SEC24D: variants seen among roughly 807,000 people sequenced by gnomAD.
SEC24D encodes the protein protein transport protein Sec24D.
A neutral mutation model predicts 116.9 loss-of-function variants in SEC24D; 69 were observed. The ratio of observed to expected loss-of-function variants is 0.59; its 90% CI spans 0.49 to 0.72. SEC24D has a LOEUF of 0.72. Among genes scored for constraint, SEC24D ranks in the 30% least tolerant of loss-of-function variants. The probability of loss-of-function intolerance (pLI) is 0.00; values close to 1 mark genes in which losing one functional copy is unlikely to be tolerated. For missense variants in SEC24D, 1,131 were observed against 1,264.1 expected, an observed-to-expected ratio of 0.89 and a Z score of 1.60; for synonymous variants, 405 against 442.8, an observed-to-expected ratio of 0.91 and a Z score of 1.07.
At chr4:118,770,184 TCA>T (rs1727832878) in intron 8 of SEC24D, among the ~76,000 whole-genome samples, 1 of 152,170 alleles carries the variant, frequency 6.6e-6, no homozygotes, top group African/African-American at 2.4e-5. Flanking sequence ...AAATACATAC[TCA>T]CACATACAAA....
chr4:118,828,948 A>G (rs1165843490), intron 2 of SEC24D, among the ~76,000 whole-genome samples: 2 of 152,168 alleles, frequency 1.3e-5, no homozygotes, highest in African/African-American at 2.4e-5. Flanking sequence ...CAATCCCAGC[A>G]AACTGCTTCC....
At chr4:118,827,370 T>C (rs776704137) in intron 2 of SEC24D, among the ~76,000 whole-genome samples, 4 of 152,084 alleles carry the variant, frequency 2.6e-5, no homozygotes, top group Non-Finnish European at 4.4e-5. Context: ...AGGTCCTTTA[T>C]AGAGCAATAT....
intron 22 of SEC24D, among the ~76,000 whole-genome samples, chr4:118,727,914 A>ATTTCAGTC (rs1725489181): frequency 6.6e-6 from 1 of 152,060 alleles, no homozygotes; most frequent in South Asian, 2.1e-4. Context: ...GGCCCCATAA[A>ATTTCAGTC]TACCCTGGCA....
At chr4:118,753,633 C>T (rs1243200127) in intron 11 of SEC24D, among the ~76,000 whole-genome samples, 1 of 151,818 alleles carries the variant, frequency 6.6e-6, no homozygotes, top group Non-Finnish European at 1.5e-5. Flanking sequence ...CATGAATGTT[C>T]TCGTTCCAGT....
At chr4:118,802,049 G>A (rs187729591) in intron 7 of SEC24D, among the ~76,000 whole-genome samples, 1 of 152,314 alleles carries the variant, frequency 6.6e-6, no homozygotes, top group African/African-American at 2.4e-5. Context: ...TCACAATCTA[G>A]TTGGAAAGAG....
chr4:118,801,111 A>C (rs1729419929), intron 7 of SEC24D, among the ~76,000 whole-genome samples: 1 of 151,988 alleles, frequency 6.6e-6, no homozygotes, highest in South Asian at 2.1e-4. Context: ...AATACAAAAA[A>C]ATCAGCCGGG....
At position 118,757,727 on chromosome 4, in the gene SEC24D, AT is replaced by A; in HGVS notation, c.1414del (p.Ile472PhefsTer28). ...CEELKTMLEK[I>X]PKEEQEETSA... ...AGAATGACGGTTGCCTTACTTTGGA[AT>A]TTTTTCCAGCATGGTCTTCAGTTCT... On this transcript the variant is annotated frameshift_variant, in exon 11 of 23. Coordinates refer to ENST00000280551, the MANE Select transcript of SEC24D (RefSeq NM_014822.4). LOFTEE classifies it high-confidence loss of function. 2 of 1,604,846 alleles carry A rather than the reference AT, an allele frequency of 1.2e-6. No homozygotes were observed. The highest frequency in any genetic ancestry group is 1.7e-6 in the Non-Finnish European group (2 of 1,177,246).
Position 118,723,549 on chromosome 4 carries a change from C to CTG in SEC24D, c.3064_3065insCA (p.Cys1022SerfsTer14). 6.2e-7 allele frequency: 1 copy of CTG among 1,613,552 alleles called. No homozygotes were observed. Among genetic ancestry groups the CTG allele is most frequent in the Non-Finnish European group, 8.5e-7 (1 of 1,179,738 alleles). The stretch of plus-strand genomic sequence containing the variant: ...CAGCTGACAGATCTCCTTGTGAACA[C>CTG]AACAAAGGAAATCCACATAAGAAGA... On this transcript the variant is annotated frameshift_variant, in exon 23 of 23. Transcript: ENST00000280551. LOFTEE classifies it high-confidence loss of function.
intron 6 of SEC24D, among the ~76,000 whole-genome samples, chr4:118,808,001 G>T (rs776406372): frequency 6.6e-6 from 1 of 151,660 alleles, no homozygotes; most frequent in Non-Finnish European, 1.5e-5. Flanking sequence ...TTGCTCTGAT[G>T]CCCAGGCTGG....
chr4:118,817,620 CA>C (rs1730208948), intron 3 of SEC24D, among the ~76,000 whole-genome samples: 1 of 151,782 alleles, frequency 6.6e-6, no homozygotes, highest in Non-Finnish European at 1.5e-5. Context: ...ACATGCTGAA[CA>C]TGCCAAGACA....
At position 118,764,836 on chromosome 4, in the gene SEC24D, G is replaced by A. The variant is rs1192312538; in HGVS notation, c.1262C>T (p.Ser421Phe). The A allele has an allele frequency of 3.1e-6, 5 of 1,607,266 alleles. No individual in the cohort carries two copies. Among genetic ancestry groups the A allele is most frequent in the Non-Finnish European group, 3.4e-6 (4 of 1,174,194 alleles). Residue 421 changes from serine (S) to phenylalanine (F), a missense_variant, in exon 10 of 23, where the codon TCT (serine) becomes TTT (phenylalanine). Transcript: ENST00000280551. ...ATCCAAAGTGGCAACATATTCATAA[G>A]ATCCTAGAGATAACTCTGGTTTCTC... The part of the protein sequence containing the change: ...HYEKPELSLG[S>F]YEYVATLDYC...
chr4:118,821,988 A>T (rs1054223994), intron 3 of SEC24D, among the ~76,000 whole-genome samples: 2 of 152,234 alleles, frequency 1.3e-5, no homozygotes, highest in Non-Finnish European at 2.9e-5. Flanking sequence ...GTACTTCCCT[A>T]GGAATCACCA....
intron 11 of SEC24D, among the ~76,000 whole-genome samples, chr4:118,756,164 T>G (rs530039952): frequency 6.6e-6 from 1 of 152,254 alleles, no homozygotes; most frequent in African/African-American, 2.4e-5. Flanking sequence ...TTTTCTTTCA[T>G]GCTAATCAAG....
intron 2 of SEC24D, among the ~76,000 whole-genome samples, chr4:118,832,950 A>G (rs958787518): frequency 2.0e-5 from 3 of 152,218 alleles, no homozygotes; most frequent in Admixed American, 2.0e-4. Context: ...AGAATAAATC[A>G]TAAGACTGAC....
chr4:118,832,854 G>A (rs542136698), intron 2 of SEC24D, among the ~76,000 whole-genome samples: 1 of 152,312 alleles, frequency 6.6e-6, no homozygotes, highest in Admixed American at 6.5e-5. Context: ...ACAGGATCCA[G>A]TAAGGCAAGA....
In SEC24D at chr4:118,768,275, G is replaced by C. The variant is rs1348888374; in HGVS notation, c.1078C>G (p.Pro360Ala). The C allele has an allele frequency of 6.2e-7, 1 of 1,613,580 alleles. No homozygotes were observed. Among genetic ancestry groups the C allele is most frequent in the African/African-American group, 1.3e-5 (1 of 74,850 alleles). The change falls in exon 9 of 23, where the codon CCA becomes GCA. Residue 360 changes from proline to alanine, a missense_variant. Coordinates refer to ENST00000280551, the MANE Select transcript of SEC24D (RefSeq NM_014822.4). ...GCCTTGCACCTGTTGCATCTGACTG[G>C]TCCACTCTCGCCGTGATTTACCAAG... The part of the protein sequence containing the change: ...LYLVNHGESG[P>A]VRCNRCKAYM...
intron 8 of SEC24D, among the ~76,000 whole-genome samples, chr4:118,780,631 G>T (rs2110485860): frequency 6.6e-6 from 1 of 152,280 alleles, no homozygotes; most frequent in South Asian, 2.1e-4. Flanking sequence ...TTGGTGCAGA[G>T]CTGAGTTCAA....
At chr4:118,810,633 G>T (rs56683591) in intron 6 of SEC24D, among the ~76,000 whole-genome samples, 1 of 152,182 alleles carries the variant, frequency 6.6e-6, no homozygotes, top group Non-Finnish European at 1.5e-5. Flanking sequence ...AGATTCCAGG[G>T]CCTTAGCCTT....
intron 8 of SEC24D, among the ~76,000 whole-genome samples, chr4:118,786,061 G>A (rs149680026): frequency 6.6e-6 from 1 of 152,218 alleles, no homozygotes; most frequent in East Asian, 1.9e-4. Flanking sequence ...ACTTATGAAA[G>A]AAATAAGGCT....
Sources: allele counts gnomAD v4.1 joint callset (sites outside exome capture counted in the v4.1 genomes callset), GRCh38; gene constraint gnomAD v4.1.1; transcripts MANE v1.5; gene names NCBI Gene and HGNC (gene_info 2026-07-23, HGNC 2026-07-21).